SCUBE2: variants seen among roughly 807,000 people sequenced by gnomAD.
SCUBE2 encodes the protein signal peptide, CUB domain and EGF like domain containing 2, also known as signal peptide, CUB and EGF-like domain-containing protein 2.
Under a neutral mutation model 125.9 loss-of-function variants are expected in SCUBE2, and 114 were observed. That is an observed-to-expected ratio of 0.91 (90% confidence interval 0.78 to 1.06). SCUBE2 has a LOEUF of 1.06. Ranked by LOEUF, SCUBE2 falls within the 50% of genes least tolerant of loss-of-function variation. The probability of loss-of-function intolerance (pLI) is 0.00; values close to 1 mark genes in which losing one functional copy is unlikely to be tolerated. For missense variants in SCUBE2, 1,255 were observed against 1,301.8 expected (o/e 0.96, Z 0.55); for synonymous variants, 459 against 492.9 (o/e 0.93, Z 0.91).
At chr11:9,058,758 C>T (rs1859370852) in intron 9 of SCUBE2, among the ~76,000 whole-genome samples, 1 of 151,964 alleles carries the variant, frequency 6.6e-6, no homozygotes, top group Non-Finnish European at 1.5e-5. Context: ...CACTGCACTC[C>T]AGCCTGGGCA....
At chr11:9,041,516 T>G (rs1857243601) in intron 16 of SCUBE2, among the ~76,000 whole-genome samples, 1 of 152,198 alleles carries the variant, frequency 6.6e-6, no homozygotes, top group African/African-American at 2.4e-5. Context: ...AAGTGTGTTG[T>G]GTCTGAAACC....
intron 4 of SCUBE2, among the ~76,000 whole-genome samples, chr11:9,071,362 C>A (rs1269325932): frequency 6.6e-6 from 1 of 152,204 alleles, no homozygotes; most frequent in Non-Finnish European, 1.5e-5. Context: ...CATTGTGATA[C>A]ACAGAGAACC....
rs200624668 is a variant in SCUBE2 at position 9,025,714 on chromosome 11, C to A, written c.2842G>T (p.Val948Leu). The A allele has an allele frequency of 3.7e-6, 6 of 1,614,002 alleles. No individual in the cohort carries two copies. In the African/African-American group the frequency reaches 4.0e-5, roughly 11 times the overall value. Reference sequence around the variant, plus strand: ...AGGCTGTGCTTACCATCATATGTCACGTATGGGACCTGGAACCCTCTAGCG... The same window carrying A: ...AGGCTGTGCTTACCATCATATGTCAAGTATGGGACCTGGAACCCTCTAGCG... ...NSARGFQVPY[V>L]TYDEDYQELI... The change falls in exon 21 of 23, where the codon GTG becomes TTG. Residue 948 changes from valine to leucine, a missense_variant. Physicochemically the swap from Val to Leu is conservative, Grantham distance 32. Around this residue, in one of 3 missense-constraint regions of SCUBE2, gnomAD observed 515 missense variants for 515.7 expected, o/e 1.00. Transcript: ENST00000649792.
Position 9,043,191 on chromosome 11 carries a change from C to G in SCUBE2, c.2002+4165G>C, listed in dbSNP as rs556537116. Reference sequence around the variant, plus strand: ...AAATACTTCCCAGTTTGCCAGTTGTCTGGATTGTTTCTTCTAAAAATCTCA... The same window carrying G: ...AAATACTTCCCAGTTTGCCAGTTGTGTGGATTGTTTCTTCTAAAAATCTCA... On this transcript the variant is annotated intron_variant, in intron 16 of 22. Coordinates refer to ENST00000649792, the MANE Select transcript of SCUBE2 (RefSeq NM_001367977.2). Among the ~76,000 whole-genome samples the G allele has an allele frequency of 7.2e-5, 11 of 152,262 alleles. No individual in the cohort carries two copies. In the East Asian group the frequency reaches 2.1e-3, roughly 29 times the overall value.
intron 7 of SCUBE2, among the ~76,000 whole-genome samples, chr11:9,062,588 G>T (rs1859787015): frequency 6.6e-6 from 1 of 152,186 alleles, no homozygotes; most frequent in African/African-American, 2.4e-5. Flanking sequence ...AAGAAACCTG[G>T]AGGAAACAAA....
rs766043125 is a variant in SCUBE2, at chr11:9,053,202, G to A, written c.1344C>T (p.Leu448=). 7 of 1,614,022 alleles carry A rather than the reference G, an allele frequency of 4.3e-6. No homozygotes were observed. The Admixed American group carries it at 1.0e-4, about 23-fold the overall frequency. Residue 448 remains leucine (L), a synonymous_variant, in exon 12 of 23, where the codon CTC becomes CTT. Transcript: ENST00000649792. ...NKKDCVEVKG[L]LPTSVSPRVS... ...CACGGGGTGACACACTTGTGGGCAG[G>A]AGCCCCTTCACTTCTAGACAGGACA...
intron 2 of SCUBE2, among the ~76,000 whole-genome samples, chr11:9,087,007 T>A (rs1182874668): frequency 2.6e-5 from 4 of 152,124 alleles, no homozygotes; most frequent in Non-Finnish European, 4.4e-5. Context: ...TGTGGATAAA[T>A]GGATGGGAGG....
chr11:9,034,181 T>C (rs1856566252), intron 16 of SCUBE2, among the ~76,000 whole-genome samples: 1 of 152,214 alleles, frequency 6.6e-6, no homozygotes, highest in African/African-American at 2.4e-5. Flanking sequence ...AACATAGGTC[T>C]AGTGCTGGAA....
chr11:9,055,739 C>T, intron 10 of SCUBE2, 54 bp downstream of exon 10: 2 of 1,417,344 alleles, frequency 1.4e-6, no homozygotes, highest in Non-Finnish European at 2.0e-6. Flanking sequence ...GGCCCTGCTC[C>T]CCTCCAGGCC....
At chr11:9,039,111 A>T (rs1189412549) in intron 16 of SCUBE2, among the ~76,000 whole-genome samples, 1 of 152,090 alleles carries the variant, frequency 6.6e-6, no homozygotes, top group African/African-American at 2.4e-5. Context: ...CTGTCTCGGC[A>T]TCCGAAAGTG....
In SCUBE2 at chr11:9,071,130, C is replaced by T. The variant is rs547639646; in HGVS notation, c.518-1635G>A. 2.0e-5 allele frequency among the ~76,000 whole-genome samples: 3 copies of T among 152,286 alleles called. No individual in the cohort carries two copies. In the East Asian group the frequency reaches 5.8e-4, roughly 29 times the overall value. The stretch of plus-strand genomic sequence containing the variant: ...GAAAGCGTTGTGTTTGTCCTTGGGT[C>T]AGCCGAGCATGGGAAGTAACTAGTG... On this transcript the variant is annotated intron_variant, in intron 4 of 22. Transcript: ENST00000649792.
intron 11 of SCUBE2, 105 bp from the exon 12 acceptor site, chr11:9,053,320 G>T: frequency 1.1e-6 from 1 of 941,324 alleles, no homozygotes; most frequent in East Asian, 2.5e-5. Flanking sequence ...AGAAGGTAGA[G>T]CTCATGCCCA....
chr11:9,040,866 C>T (rs1279284334), intron 16 of SCUBE2, among the ~76,000 whole-genome samples: 2 of 152,204 alleles, frequency 1.3e-5, no homozygotes, highest in Non-Finnish European at 2.9e-5. Flanking sequence ...TGGAATTTTC[C>T]ATTTGATATT....
intron 2 of SCUBE2, among the ~76,000 whole-genome samples, chr11:9,084,179 C>T (rs2742554): frequency 0.89 from 136,177 of 152,224 alleles, 62,736 homozygotes; most frequent in East Asian, 1. Flanking sequence ...AAAAATGTGA[C>T]GTCAAAATGA....
intron 7 of SCUBE2, among the ~76,000 whole-genome samples, chr11:9,062,570 C>T (rs1251138798): frequency 2.0e-5 from 3 of 151,968 alleles, no homozygotes; most frequent in African/African-American, 4.8e-5. Context: ...ATCAAACCAA[C>T]GGGGAAAAAG....
chr11:9,046,608 G>A (rs541786137), intron 16 of SCUBE2, among the ~76,000 whole-genome samples: 2 of 152,286 alleles, frequency 1.3e-5, no homozygotes, highest in Non-Finnish European at 2.9e-5. Context: ...CTGGAAAGTA[G>A]GGCAGCCACA....
chr11:9,091,303 C>A lies in SCUBE2; in HGVS notation c.133+93G>T. ...GAGCTGCAGCCGCCAGCCCCGAGCC[C>A]CGCGCGCCCGGCTCTGGACTCCGCC... is the stretch of plus-strand genomic sequence containing the variant. On this transcript the variant is annotated intron_variant, in intron 1 of 22. Transcript: ENST00000649792. This position sits in a 1 kb window ranked among gnomAD's most constrained non-coding sequence, Gnocchi z 8.5. 1.1e-6 allele frequency: 1 copy of A among 946,592 alleles called. No homozygotes were observed. Among genetic ancestry groups the A allele is most frequent in the Non-Finnish European group, 1.4e-6 (1 of 736,928 alleles). 58.6% of individuals were successfully genotyped at this position (946,592 alleles called of 1,614,324 possible).
intron 2 of SCUBE2, among the ~76,000 whole-genome samples, chr11:9,079,835 A>G (rs1861494692): frequency 6.6e-6 from 1 of 152,230 alleles, no homozygotes; most frequent in South Asian, 2.1e-4. Flanking sequence ...AGGATATACT[A>G]TTAAATGAAA....
rs1564822811 is a variant in SCUBE2, at chr11:9,054,698, A to ACAATATATATATATATATAT, written c.1208-940_1208-939insATATATATATATATATATTG. The stretch of plus-strand genomic sequence containing the variant: ...AGATAACTGTCAGTAGCAAAGCACT[A>ACAATATATATATATATATAT]GTGTATATATATATATATATATATA... On this transcript the variant is annotated intron_variant, in intron 10 of 22. Transcript: ENST00000649792. Among the ~76,000 whole-genome samples, 76 of 61,224 alleles carry ACAATATATATATATATATAT rather than the reference A, an allele frequency of 1.2e-3. 4 individuals carry two copies. The highest frequency in any genetic ancestry group is 2.4e-3 in the South Asian group (3 of 1,272). 40.2% of individuals were successfully genotyped at this position (61,224 alleles called of 152,430 possible).
Sources: allele counts gnomAD v4.1 joint callset (sites outside exome capture counted in the v4.1 genomes callset), GRCh38; gene constraint gnomAD v4.1.1; regional missense constraint gnomAD v4.1.1; non-coding constraint Gnocchi (gnomAD v3.1); transcripts MANE v1.5; gene names NCBI Gene and HGNC (gene_info 2026-07-23, HGNC 2026-07-21).